ANXA2: variants seen among roughly 807,000 people sequenced by gnomAD.
ANXA2 encodes annexin A2.
A neutral mutation model predicts 47.3 loss-of-function variants in ANXA2; 28 were observed. The observed-to-expected ratio is 0.59, with a 90% confidence interval of 0.44 to 0.81. The LOEUF (loss-of-function observed/expected upper bound fraction) is 0.81. Ranked by LOEUF, ANXA2 falls within the 40% of genes least tolerant of loss-of-function variation. The pLI is 0.00. For synonymous variants in ANXA2, 172 were observed against 155.5 expected, an observed-to-expected ratio of 1.11 and a Z score of -0.79; for missense variants, 384 against 414.3, an observed-to-expected ratio of 0.93 and a Z score of 0.64.
At chr15:60,378,850 C>A (rs2062816158) in intron 3 of ANXA2, among the ~76,000 whole-genome samples, 2 of 151,946 alleles carry the variant, frequency 1.3e-5, no homozygotes, top group African/African-American at 4.8e-5. Context: ...CCTATAGTCC[C>A]AACTACTTGG....
At chr15:60,348,729 G>C (rs907590596) in intron 12 of ANXA2, among the ~76,000 whole-genome samples, 6 of 141,438 alleles carry the variant, frequency 4.2e-5, no homozygotes, top group African/African-American at 1.1e-4. Context: ...CTGGGCGAGA[G>C]AGCAAGACTC....
rs921497295 is a variant in ANXA2 at position 60,366,356 on chromosome 15, G to A, written c.149-1833C>T. Among the ~76,000 whole-genome samples the A allele has an allele frequency of 7.6e-4, 113 of 149,510 alleles. No homozygotes were observed. In the Middle Eastern group the frequency reaches 0.01, roughly 14 times the overall value. On this transcript the variant is annotated intron_variant, in intron 3 of 12. Coordinates refer to ENST00000451270, the MANE Select transcript of ANXA2 (RefSeq NM_004039.3). The stretch of plus-strand genomic sequence containing the variant: ...TCTGCCTGGCTGCCCAGTCTGGAAA[G>A]TGAGGAGCGCCTCTTCCCCGCCGCC...
At chr15:60,364,199 A>G (rs1156946119) in intron 4 of ANXA2, among the ~76,000 whole-genome samples, 2 of 152,034 alleles carry the variant, frequency 1.3e-5, no homozygotes, top group Non-Finnish European at 2.9e-5. Flanking sequence ...TATGTTGTAC[A>G]CTCCTTATGA....
At chr15:60,367,266 T>TG (rs2062635300) in intron 3 of ANXA2, among the ~76,000 whole-genome samples, 7 of 73,110 alleles carry the variant, frequency 9.6e-5, no homozygotes, top group Non-Finnish European at 1.7e-4. Flanking sequence ...GGGAGGGAGG[T>TG]GGGGGGATCA....
intron 12 of ANXA2, among the ~76,000 whole-genome samples, chr15:60,347,901 G>GA (rs1399392835): frequency 6.6e-6 from 1 of 152,182 alleles, no homozygotes; most frequent in African/African-American, 2.4e-5. Context: ...AGGTGCTGGG[G>GA]AAGACACTCA....
chr15:60,383,912 A>G (rs1359309216), intron 2 of ANXA2: 1 of 152,226 alleles, frequency 6.6e-6, no homozygotes, highest in Non-Finnish European at 1.5e-5. Flanking sequence ...ATGCCTTCCT[A>G]TATCTAGATG....
chr15:60,372,555 A>T (rs140976847), intron 3 of ANXA2, among the ~76,000 whole-genome samples: 5 of 152,276 alleles, frequency 3.3e-5, no homozygotes, highest in African/African-American at 9.6e-5. Flanking sequence ...GCTACTTACT[A>T]CTGATTTGGG....
At chr15:60,369,046 TTA>T (rs2062677920) in intron 3 of ANXA2, among the ~76,000 whole-genome samples, 2 of 152,250 alleles carry the variant, frequency 1.3e-5, no homozygotes, top group Admixed American at 6.5e-5. Flanking sequence ...CCTGTATGTG[TTA>T]TGTGTGTAAA....
At chr15:60,367,562 TG>T (rs1203207571) in intron 3 of ANXA2, among the ~76,000 whole-genome samples, 1 of 38,812 alleles carries the variant, frequency 2.6e-5, no homozygotes, top group Non-Finnish European at 4.5e-5. Flanking sequence ...GGGAGGGAGG[TG>T]GGGGGGACAG....
At chr15:60,354,843 G>T (rs2062403908) in intron 7 of ANXA2, among the ~76,000 whole-genome samples, 1 of 152,098 alleles carries the variant, frequency 6.6e-6, no homozygotes. Flanking sequence ...AGCTTGCAAT[G>T]CAGATGGAGG....
In ANXA2 at chr15:60,361,008, G is replaced by A. The variant is rs144035126; in HGVS notation, c.290C>T (p.Thr97Met). The change falls in exon 5 of 13, where the codon ACG (threonine) becomes ATG (methionine). Residue 97 changes from threonine (T) to methionine (M), a missense_variant. Physicochemically the swap from Thr to Met is moderately conservative, Grantham distance 81. Transcript: ENST00000451270. ...LKSALSGHLE[T>M]VILGLLKTPA... The stretch of plus-strand genomic sequence containing the variant: ...TGTCTTCAATAGGCCCAAAATCACC[G>A]TCTCCAGGTGGCCAGATAAGGCTGA... 93 of 1,613,712 alleles carry A rather than the reference G, an allele frequency of 5.8e-5. 1 individual carries two copies. The highest frequency in any genetic ancestry group is 3.3e-4 in the Middle Eastern group (2 of 6,082).
At chr15:60,355,045 C>T (rs1215096721) in intron 7 of ANXA2, among the ~76,000 whole-genome samples, 3 of 152,042 alleles carry the variant, frequency 2.0e-5, no homozygotes, top group African/African-American at 4.8e-5. Flanking sequence ...AGCTGGCACA[C>T]AAGGGATGGC....
In ANXA2 at chr15:60,373,923, A is replaced by C. The variant is rs563015303; in HGVS notation, c.148+8419T>G. ...TTTTTGCCATTGGCACACATGGATG[A>C]GTAGTCCAGTTACATGACAAACTCT... On this transcript the variant is annotated intron_variant, in intron 3 of 12. Coordinates refer to ENST00000451270, the MANE Select transcript of ANXA2 (RefSeq NM_004039.3). Among the ~76,000 whole-genome samples, 12 of 152,328 alleles carry C rather than the reference A, an allele frequency of 7.9e-5. 1 individual carries two copies. The highest frequency in any genetic ancestry group is 2.0e-4 in the Admixed American group (3 of 15,310).
At chr15:60,387,799 T>G (rs1333742490) in intron 1 of ANXA2, among the ~76,000 whole-genome samples, 2 of 152,158 alleles carry the variant, frequency 1.3e-5, no homozygotes, top group South Asian at 4.1e-4. Flanking sequence ...ATACGGGATG[T>G]TGACAGTGGA....
intron 3 of ANXA2, among the ~76,000 whole-genome samples, chr15:60,379,373 A>G (rs967152986): frequency 5.9e-5 from 9 of 152,250 alleles, no homozygotes; most frequent in African/African-American, 1.7e-4. Context: ...GAGATGGAGA[A>G]TCTAAAGCTA....
rs761819974 is a variant in ANXA2 at position 60,352,393 on chromosome 15, G to A, written c.672C>T (p.His224=). Residue 224 remains histidine (H), a synonymous_variant, in exon 9 of 13, where the codon CAC becomes CAT. Transcript: ENST00000451270. This position sits in a 1 kb window ranked among gnomAD's most constrained non-coding sequence, Gnocchi z 4.2. ...ISIMTERSVP[H]LQKVFDRYKS... Reference sequence around the variant, plus strand: ...CAGCACAGTGCCCACCTTTCTGGAGGTGGGGCACGCTCCGCTCGGTCATGA... The same window carrying A: ...CAGCACAGTGCCCACCTTTCTGGAGATGGGGCACGCTCCGCTCGGTCATGA... The A allele has an allele frequency of 7.7e-5, 124 of 1,613,184 alleles. No homozygotes were observed. Among genetic ancestry groups the A allele is most frequent in the Non-Finnish European group, 1.0e-4 (120 of 1,179,394 alleles).
chr15:60,395,193 T>C (rs990604316), intron 1 of ANXA2, among the ~76,000 whole-genome samples: 10 of 152,210 alleles, frequency 6.6e-5, no homozygotes, highest in African/African-American at 2.4e-4. Context: ...ATATAAAGTT[T>C]AAAATCCAAC....
At chr15:60,378,257 T>C (rs2062808010) in intron 3 of ANXA2, among the ~76,000 whole-genome samples, 1 of 152,180 alleles carries the variant, frequency 6.6e-6, no homozygotes, top group Non-Finnish European at 1.5e-5. Flanking sequence ...GCAAATACAC[T>C]ACTAAACACA....
intron 1 of ANXA2, among the ~76,000 whole-genome samples, chr15:60,395,146 T>C (rs2063064671): frequency 6.6e-6 from 1 of 152,132 alleles, no homozygotes; most frequent in Non-Finnish European, 1.5e-5. Context: ...GGAAATGAAC[T>C]CCCACCAAGT....
Sources: gnomAD v4.1 joint callset for allele counts (sites outside exome capture counted in the v4.1 genomes callset) on GRCh38, gnomAD v4.1.1 for gene constraint, Gnocchi (gnomAD v3.1) non-coding constraint, MANE v1.5 for transcripts, NCBI Gene and HGNC (gene_info 2026-07-23, HGNC 2026-07-21) for gene names.